IFNAR2: variants seen among roughly 807,000 people sequenced by gnomAD.
IFNAR2 encodes the protein interferon alpha and beta receptor subunit 2.
A neutral mutation model predicts 49.4 loss-of-function variants in IFNAR2; 30 were observed. The ratio of observed to expected loss-of-function variants is 0.61; its 90% CI spans 0.45 to 0.82. IFNAR2 has a LOEUF of 0.82. Ranked by LOEUF, IFNAR2 falls within the 40% of genes least tolerant of loss-of-function variation. The probability of loss-of-function intolerance (pLI) is 0.00; values close to 1 mark genes in which losing one functional copy is unlikely to be tolerated. For synonymous variants in IFNAR2, 224 were observed against 234.5 expected (o/e 0.96, Z 0.41); for missense variants, 600 against 622.7 (o/e 0.96, Z 0.39).
intron 1 of IFNAR2, among the ~76,000 whole-genome samples, chr21:33,232,003 G>A (rs1421858584): frequency 6.6e-6 from 1 of 152,192 alleles, no homozygotes; most frequent in Non-Finnish European, 1.5e-5. Flanking sequence ...GACTCCCAAA[G>A]TGCTAGTATT....
chr21:33,233,905 A>G (rs1986243483), intron 1 of IFNAR2, among the ~76,000 whole-genome samples: 1 of 152,032 alleles, frequency 6.6e-6, no homozygotes, highest in Non-Finnish European at 1.5e-5. Context: ...AAAAATATAC[A>G]GCCAAAAAAA....
At chr21:33,257,121 G>A (rs1310620628) in intron 7 of IFNAR2, among the ~76,000 whole-genome samples, 1 of 152,180 alleles carries the variant, frequency 6.6e-6, no homozygotes, top group South Asian at 2.1e-4. Context: ...TCTCGGAAGC[G>A]TGAACTGTAT....
intron 1 of IFNAR2, chr21:33,236,788 G>A (rs1229513937): frequency 1.0e-6 from 1 of 983,614 alleles, no homozygotes; most frequent in Admixed American, 6.2e-5. Flanking sequence ...AAGAATTTCA[G>A]GATAGCCACA....
At chr21:33,256,336 T>C (rs1159941667) in intron 7 of IFNAR2, among the ~76,000 whole-genome samples, 1 of 152,242 alleles carries the variant, frequency 6.6e-6, no homozygotes, top group African/African-American at 2.4e-5. Context: ...TACCGCTCTC[T>C]TTAATTATCC....
chr21:33,251,285 C>T (rs982997948), intron 6 of IFNAR2, among the ~76,000 whole-genome samples: 2 of 152,170 alleles, frequency 1.3e-5, no homozygotes, highest in African/African-American at 2.4e-5. Flanking sequence ...GAGAGAAGAA[C>T]TTTCCAGAAG....
At chr21:33,252,115 T>A (rs1987896739) in intron 6 of IFNAR2, 1 of 469,218 alleles carries the variant, frequency 2.1e-6, no homozygotes, top group South Asian at 1.6e-5. Context: ...TATCTATCTA[T>A]CTATATCTGT....
intron 3 of IFNAR2, among the ~76,000 whole-genome samples, chr21:33,244,535 G>GACTT (rs1677404950): frequency 6.6e-6 from 1 of 152,180 alleles, no homozygotes; most frequent in Non-Finnish European, 1.5e-5. Flanking sequence ...ACTTAAGGAG[G>GACTT]ACTTCATGGA....
chr21:33,252,789 C>T lies in IFNAR2; in HGVS notation c.668C>T (p.Ser223Phe), dbSNP rs960467666. The T allele has an allele frequency of 1.7e-5, 27 of 1,613,968 alleles. No individual in the cohort carries two copies. Among genetic ancestry groups the T allele is most frequent in the Non-Finnish European group, 2.3e-5 (27 of 1,179,880 alleles). Residue 223 changes from serine (S) to phenylalanine (F), a missense_variant, in exon 7 of 9, where the codon TCT becomes TTT. Transcript: ENST00000342136. Reference sequence around the variant, plus strand: ...AGTGATGAGCAAGCAGTAATAAAGTCTCCCTTAAAATGCACCCTCCTTCCA... The same window carrying T: ...AGTGATGAGCAAGCAGTAATAAAGTTTCCCTTAAAATGCACCCTCCTTCCA... ...EHSDEQAVIK[S>F]PLKCTLLPPG...
intron 8 of IFNAR2, among the ~76,000 whole-genome samples, chr21:33,262,364 C>CAAAA (rs58341848): frequency 1.7e-4 from 16 of 96,280 alleles, no homozygotes; most frequent in Admixed American, 4.7e-4. Flanking sequence ...ACTCCCGTCT[C>CAAAA]AAAAAAAAAA....
At chr21:33,238,117 G>A (rs999497827) in intron 1 of IFNAR2, among the ~76,000 whole-genome samples, 10 of 152,078 alleles carry the variant, frequency 6.6e-5, no homozygotes, top group South Asian at 2.1e-4. Context: ...TCGGCTGACC[G>A]AAAAATGCAA....
intron 1 of IFNAR2, chr21:33,232,964 G>GC (rs1330498791): frequency 1.0e-6 from 1 of 982,692 alleles, no homozygotes; most frequent in Non-Finnish European, 1.2e-6. Flanking sequence ...AACGTGGATT[G>GC]CAAGACGTCT....
At chr21:33,241,516 G>T (rs1986922309) in intron 1 of IFNAR2, among the ~76,000 whole-genome samples, 1 of 152,136 alleles carries the variant, frequency 6.6e-6, no homozygotes, top group Non-Finnish European at 1.5e-5. Context: ...GCTATCTCTT[G>T]TCTAAAAGAT....
In IFNAR2 at chr21:33,244,824, C is replaced by T. The variant is rs1987265997; in HGVS notation, c.98-127C>T. 7 of 812,066 alleles carry T rather than the reference C, an allele frequency of 8.6e-6. No homozygotes were observed. The South Asian group carries it at 9.7e-5, about 11-fold the overall frequency. 50.3% of individuals were successfully genotyped at this position (812,066 alleles called of 1,614,324 possible). A position where few individuals can be genotyped will look rare whatever the true frequency, so the allele number is the denominator to read the frequency against. ...TCCTGTAGACTTCCTGTTTTCAAGA[C>T]ACCAGGGCTCTCTGGAGAGGTTATC... On this transcript the variant is annotated intron_variant, in intron 3 of 8. Coordinates refer to ENST00000342136, the MANE Select transcript of IFNAR2 (RefSeq NM_001289125.3).
At chr21:33,258,641 C>T (rs560863535) in intron 7 of IFNAR2, among the ~76,000 whole-genome samples, 1 of 152,154 alleles carries the variant, frequency 6.6e-6, no homozygotes, top group Non-Finnish European at 1.5e-5. Context: ...GAGTGAGTCA[C>T]GCAAACCTAT....
chr21:33,243,379 G>A (rs779713824), intron 2 of IFNAR2, among the ~76,000 whole-genome samples: 8 of 152,104 alleles, frequency 5.3e-5, no homozygotes, highest in South Asian at 2.1e-4. Flanking sequence ...CACGACGCCC[G>A]GCCCCAGATA....
At chr21:33,255,538 G>T (rs1286188587) in intron 7 of IFNAR2, among the ~76,000 whole-genome samples, 2 of 152,200 alleles carry the variant, frequency 1.3e-5, no homozygotes, top group African/African-American at 4.8e-5. Flanking sequence ...CATTGAAGAG[G>T]TGCACAGGAC....
At chr21:33,246,986 A>G in intron 5 of IFNAR2, 96 bp downstream of exon 5, 2 of 1,061,990 alleles carry the variant, frequency 1.9e-6, no homozygotes, top group Non-Finnish European at 2.8e-6. Context: ...GGTGTTTTAG[A>G]CCTGGGGCTG....
Position 33,241,886 on chromosome 21 carries a change from A to G in IFNAR2, c.-37A>G. The G allele has an allele frequency of 6.2e-7, 1 of 1,608,384 alleles. No individual in the cohort carries two copies. The highest frequency in any genetic ancestry group is 1.1e-5 in the South Asian group (1 of 90,496). Reference sequence around the variant, plus strand: ...TTTGATCACCTAATGTTGATTTCAGATGTAAAAGTCAAGAGAAGACTCTAA... The same window carrying G: ...TTTGATCACCTAATGTTGATTTCAGGTGTAAAAGTCAAGAGAAGACTCTAA... On this transcript the variant is annotated 5_prime_UTR_variant, in exon 2 of 9. An upstream start codon of the reference 5' UTR is lost. Coordinates refer to ENST00000342136, the MANE Select transcript of IFNAR2 (RefSeq NM_001289125.3).
intron 6 of IFNAR2, chr21:33,252,333 A>G (rs561957372): frequency 6.1e-5 from 39 of 639,314 alleles, no homozygotes; most frequent in Non-Finnish European, 8.1e-5. Flanking sequence ...GTAGACACAC[A>G]CTGTCCATGA....
Sources: gnomAD v4.1 joint callset for allele counts (sites outside exome capture counted in the v4.1 genomes callset) on GRCh38, gnomAD v4.1.1 for gene constraint, MANE v1.5 for transcripts, NCBI Gene and HGNC (gene_info 2026-07-23, HGNC 2026-07-21) for gene names.